Variants in RBFOX1 observed in about 807,000 individuals in gnomAD.
RBFOX1 encodes RNA binding protein fox-1 homolog 1.
RBFOX1 carries 8 observed loss-of-function variants against 57.7 expected under a neutral mutation model. The observed-to-expected ratio is 0.14, with a 90% confidence interval of 0.08 to 0.25. RBFOX1 has a LOEUF of 0.25. Among genes scored for constraint, RBFOX1 ranks in the 10% least tolerant of loss-of-function variants. RBFOX1 has a pLI of 1.00. For synonymous variants in RBFOX1, 326 were observed against 222.4 expected (o/e 1.47, Z -4.15); for missense variants, 611 against 548.5 (o/e 1.11, Z -1.14).
chr16:7,005,120 G>A (rs956343455), intron 3 of RBFOX1, among the ~76,000 whole-genome samples: 1 of 152,028 alleles, frequency 6.6e-6, no homozygotes, highest in Admixed American at 6.6e-5. Context: ...CTCCAGCCTG[G>A]GTGACAAGAG....
chr16:6,556,346 C>A (rs998359142), intron 2 of RBFOX1, among the ~76,000 whole-genome samples: 1 of 152,088 alleles, frequency 6.6e-6, no homozygotes, highest in African/African-American at 2.4e-5. Context: ...TTGGAATTAC[C>A]AGATGTTGTT....
chr16:6,976,949 AT>A (rs1476856282), intron 3 of RBFOX1, among the ~76,000 whole-genome samples: 2 of 147,220 alleles, frequency 1.4e-5, no homozygotes, highest in Non-Finnish European at 1.5e-5. Flanking sequence ...TATACTATAT[AT>A]CATATATATT....
intron 3 of RBFOX1, among the ~76,000 whole-genome samples, chr16:6,778,066 C>T (rs999910919): frequency 3.3e-5 from 5 of 152,166 alleles, no homozygotes; most frequent in Non-Finnish European, 5.9e-5. Context: ...TCAACATAAA[C>T]GGAATAACAA....
chr16:5,624,298 C>A (rs2048283545), intron 3 of RBFOX1, among the ~76,000 whole-genome samples: 1 of 152,170 alleles, frequency 6.6e-6, no homozygotes, highest in Non-Finnish European at 1.5e-5. Flanking sequence ...GGGTTCACAC[C>A]ATTCTCCTGC....
At chr16:5,571,554 G>A (rs2046285225) in intron 2 of RBFOX1, among the ~76,000 whole-genome samples, 1 of 152,138 alleles carries the variant, frequency 6.6e-6, no homozygotes, top group Admixed American at 6.5e-5. Context: ...ACAACAAACT[G>A]TTTATCATGA....
intron 2 of RBFOX1, among the ~76,000 whole-genome samples, chr16:6,379,476 TG>T (rs2091563225): frequency 6.6e-6 from 1 of 151,794 alleles, no homozygotes; most frequent in Admixed American, 6.6e-5. Flanking sequence ...ATGAGAAGGT[TG>T]GGGAAATTCA....
intron 1 of RBFOX1, among the ~76,000 whole-genome samples, chr16:6,258,828 A>T (rs1301524042): frequency 1.3e-5 from 2 of 152,180 alleles, no homozygotes; most frequent in Non-Finnish European, 2.9e-5. Flanking sequence ...ACATGACGTG[A>T]TTATTATTCA....
intron 4 of RBFOX1, among the ~76,000 whole-genome samples, chr16:7,393,574 G>T (rs570090474): frequency 2.0e-5 from 3 of 152,130 alleles, no homozygotes; most frequent in Non-Finnish European, 4.4e-5. Context: ...AATGCTATAG[G>T]GGGTGGTGGT....
intron 4 of RBFOX1, among the ~76,000 whole-genome samples, chr16:7,407,142 C>T (rs558617627): frequency 1.9e-4 from 29 of 152,070 alleles, no homozygotes; most frequent in East Asian, 7.8e-4. Context: ...GTGATTTGTG[C>T]GATTTTGGTG....
intron 1 of RBFOX1, among the ~76,000 whole-genome samples, chr16:6,070,772 C>T (rs2152484098): frequency 6.6e-6 from 1 of 152,018 alleles, no homozygotes; most frequent in African/African-American, 2.4e-5. Context: ...CTAGTTTCCC[C>T]AAGAAGTTAG....
intron 1 of RBFOX1, among the ~76,000 whole-genome samples, chr16:6,226,461 G>T (rs963508221): frequency 2.0e-5 from 3 of 151,886 alleles, no homozygotes; most frequent in Admixed American, 1.3e-4. Context: ...TGTGGCACAG[G>T]TAGTGAAACT....
intron 1 of RBFOX1, among the ~76,000 whole-genome samples, chr16:6,108,926 C>A (rs777696360): frequency 1.3e-5 from 2 of 152,036 alleles, no homozygotes; most frequent in Non-Finnish European, 2.9e-5. Flanking sequence ...GAATAATCAC[C>A]CCATCTGAAG....
At chr16:7,052,228 A>G (rs1489089554) in intron 4 of RBFOX1, 130 bp downstream of exon 4, 4 of 1,368,178 alleles carry the variant, frequency 2.9e-6, no homozygotes, top group South Asian at 3.2e-5. Context: ...AGTTGAAAAT[A>G]TTTATCCCAG....
chr16:6,079,416 A>G (rs1056592600), intron 1 of RBFOX1, among the ~76,000 whole-genome samples: 7 of 152,168 alleles, frequency 4.6e-5, no homozygotes, highest in East Asian at 3.9e-4. Context: ...GCCTCAAGTG[A>G]TCTTCCTACT....
At chr16:7,474,440 A>ATTAG (rs1234043969) in intron 4 of RBFOX1, among the ~76,000 whole-genome samples, 106 of 152,294 alleles carry the variant, frequency 7.0e-4, no homozygotes, top group African/African-American at 2.5e-3. Context: ...AATGTTTTAC[A>ATTAG]ATTAAGGATA....
chr16:5,909,820 G>C (rs527282487), intron 4 of RBFOX1, among the ~76,000 whole-genome samples: 1 of 152,114 alleles, frequency 6.6e-6, no homozygotes, highest in Non-Finnish European at 1.5e-5. Context: ...GGGAGACCGC[G>C]GCGGGCAGAT....
intron 1 of RBFOX1, among the ~76,000 whole-genome samples, chr16:6,210,354 AAAAC>A (rs1328371493): frequency 3.5e-4 from 32 of 92,660 alleles, no homozygotes; most frequent in African/African-American, 7.2e-4. Context: ...ACAAAAAAAA[AAAAC>A]ACCAAAAAAA....
chr16:6,681,628 C>G (rs1159118978), intron 3 of RBFOX1, among the ~76,000 whole-genome samples: 2 of 147,284 alleles, frequency 1.4e-5, no homozygotes, highest in East Asian at 4.0e-4. Context: ...TAAGCAATAA[C>G]ATATAATCAC....
At chr16:7,099,156 T>A (rs1478452455) in intron 4 of RBFOX1, among the ~76,000 whole-genome samples, 2 of 152,052 alleles carry the variant, frequency 1.3e-5, no homozygotes, top group African/African-American at 4.8e-5. Context: ...AAAAGTTAGT[T>A]GTAACCATCA....
Sources: gnomAD v4.1 joint callset for allele counts (sites outside exome capture counted in the v4.1 genomes callset) on GRCh38, gnomAD v4.1.1 for gene constraint, MANE v1.5 for transcripts, NCBI Gene and HGNC (gene_info 2026-07-23, HGNC 2026-07-21) for gene names.